Variants in USHBP1 observed in about 807,000 individuals in gnomAD.
USHBP1 encodes USH1 protein network component harmonin binding protein 1.
USHBP1 carries 67 observed loss-of-function variants against 76.2 expected under a neutral mutation model. That is an observed-to-expected ratio of 0.88 (90% CI 0.72 to 1.08). USHBP1 has a LOEUF of 1.08. USHBP1 is among the 50% of genes least tolerant of loss of function. USHBP1 has a pLI of 0.00. For missense variants in USHBP1, 931 were observed against 915.0 expected (o/e 1.02, Z -0.23); for synonymous variants, 322 against 362.2 (o/e 0.89, Z 1.26).
At chr19:17,254,019 C>G (rs960727864) in intron 10 of USHBP1, among the ~76,000 whole-genome samples, 1 of 151,246 alleles carries the variant, frequency 6.6e-6, no homozygotes, top group Non-Finnish European at 1.5e-5. Flanking sequence ...ACCAGCCTGG[C>G]CAACATGGTG....
chr19:17,253,114 G>A (rs867201186), intron 10 of USHBP1, among the ~76,000 whole-genome samples: 31 of 150,346 alleles, frequency 2.1e-4, no homozygotes, highest in East Asian at 4.1e-4. Context: ...GACTACAGGC[G>A]CCCGCCACCA....
chr19:17,264,003 T>G lies in USHBP1; in HGVS notation c.202A>C (p.Arg68=), dbSNP rs746838053. ...EEVSGQGLGS[R]TDKKMDGGSG... Reference sequence around the variant, plus strand: ...GGGCACAGACCAAGCGGGTCTTACCTGCTTCCTAGGCCTTGGCCACTGACC... The same window carrying G: ...GGGCACAGACCAAGCGGGTCTTACCGGCTTCCTAGGCCTTGGCCACTGACC... Residue 68 remains arginine (R), a splice_region_variant and synonymous_variant, in exon 3 of 13, where the codon AGG becomes CGG. Transcript: ENST00000252597. 7.0e-6 allele frequency: 11 copies of G among 1,582,532 alleles called. No individual in the cohort carries two copies. The African/African-American group carries it at 1.2e-4, about 17-fold the overall frequency.
Position 17,264,107 on chromosome 19 carries a change from G to A in USHBP1, c.98C>T (p.Ala33Val). ...GCTGGGCTTGGAGCTCCCACTGGCT[G>A]CCTCGACCTCCTCTGAACTCTCAGC... ...PVAESSEEVE[A>V]ASGSSKPSFA... Residue 33 changes from alanine (A) to valine (V), a missense_variant, in exon 3 of 13, where the codon GCA becomes GTA. Transcript: ENST00000252597. 6.2e-7 allele frequency: 1 copy of A among 1,614,106 alleles called. No individual in the cohort carries two copies. The highest frequency in any genetic ancestry group is 8.5e-7 in the Non-Finnish European group (1 of 1,179,980).
intron 9 of USHBP1, 116 bp downstream of exon 9, chr19:17,256,354 TC>T (rs754637610): frequency 3.0e-4 from 432 of 1,455,524 alleles, no homozygotes; most frequent in Non-Finnish European, 3.7e-4. Flanking sequence ...AATTCTCCCT[TC>T]ACAATGCCTG....
intron 10 of USHBP1, 129 bp from the exon 11 acceptor site, chr19:17,252,146 A>T: frequency 1.2e-6 from 1 of 817,392 alleles, no homozygotes; most frequent in Non-Finnish European, 1.9e-6. Flanking sequence ...CTGGTTCGAT[A>T]TACCAATAAG....
chr19:17,253,831 T>G (rs1439413126), intron 10 of USHBP1, among the ~76,000 whole-genome samples: 2 of 148,634 alleles, frequency 1.3e-5, no homozygotes, highest in Non-Finnish European at 3.0e-5. Flanking sequence ...GACGCAGAGA[T>G]TGCAGTGAGC....
chr19:17,255,758 T>G (rs908970318), intron 9 of USHBP1, 152 bp from the exon 10 acceptor site: 1 of 828,370 alleles, frequency 1.2e-6, no homozygotes, highest in Non-Finnish European at 1.8e-6. Flanking sequence ...CCCAGCACTT[T>G]GGGAGGCCAA....
At position 17,251,850 on chromosome 19, in the gene USHBP1, C is replaced by CGG. The variant is rs34821183; in HGVS notation, c.1799+59_1799+60dup. The CGG allele has an allele frequency of 4.6e-6, 7 of 1,515,368 alleles. No homozygotes were observed. The South Asian group carries it at 8.7e-5, about 19-fold the overall frequency. The allele number at this position is 1,515,368 out of a possible 1,614,324, so 93.9% of individuals were successfully genotyped here. ...TAGCTTCTACTGCAGACGACACCCCCGGGGGCTCTCACATAGGCTGCCTGC... is the reference window on the plus strand; with the variant it reads ...TAGCTTCTACTGCAGACGACACCCCCGGGGGGGCTCTCACATAGGCTGCCTGC... On this transcript the variant is annotated intron_variant, in intron 11 of 12. Transcript: ENST00000252597.
intron 1 of USHBP1, 154 bp from the exon 2 acceptor site, chr19:17,264,501 A>G (rs2073729589): frequency 1.6e-6 from 1 of 607,000 alleles, no homozygotes; most frequent in Non-Finnish European, 2.8e-6. Flanking sequence ...CTCCCTGGAC[A>G]GGGAGCTCAC....
At chr19:17,254,612 G>T (rs1332255372) in intron 10 of USHBP1, among the ~76,000 whole-genome samples, 1 of 150,818 alleles carries the variant, frequency 6.6e-6, no homozygotes, top group Non-Finnish European at 1.5e-5. Flanking sequence ...GCCAAGATCG[G>T]GCCATTGCAC....
chr19:17,264,231 G>T lies in USHBP1; in HGVS notation c.54+15C>A. The stretch of plus-strand genomic sequence containing the variant: ...CCCCAGGATCTGGGTGTGGAGGGGA[G>T]AGGGTGACACTTACGGGTGGAGCAT... On this transcript the variant is annotated intron_variant, in intron 2 of 12. Transcript: ENST00000252597. 6.2e-7 allele frequency: 1 copy of T among 1,613,892 alleles called. No individual in the cohort carries two copies. Among genetic ancestry groups the T allele is most frequent in the Non-Finnish European group, 8.5e-7 (1 of 1,179,912 alleles).
chr19:17,260,022 C>G lies in USHBP1; in HGVS notation c.643G>C (p.Val215Leu). 6.2e-7 allele frequency: 1 copy of G among 1,612,270 alleles called. No homozygotes were observed. The highest frequency in any genetic ancestry group is 8.5e-7 in the Non-Finnish European group (1 of 1,178,760). ...AAGAGGGAATCCTGCAGCTCTTGAA[C>G]CTGGGAAAGATGAGGGGGACGTCAG... is the stretch of plus-strand genomic sequence containing the variant. ...RAEKETLQKE[V>L]QELQDSLLRL... Residue 215 changes from valine (V) to leucine (L), a missense_variant and splice_region_variant, in exon 5 of 13, where the codon GTT becomes CTT. Physicochemically the swap from Val to Leu is conservative, Grantham distance 32. Coordinates refer to ENST00000252597, the MANE Select transcript of USHBP1 (RefSeq NM_031941.4).
chr19:17,261,049 C>T (rs1418307392), intron 4 of USHBP1, among the ~76,000 whole-genome samples: 4 of 152,140 alleles, frequency 2.6e-5, no homozygotes, highest in African/African-American at 9.7e-5. Flanking sequence ...CCAGAGGGCG[C>T]CTGTGAACAC....
chr19:17,258,722 A>G (rs532870990), intron 7 of USHBP1: 20 of 333,570 alleles, frequency 6.0e-5, no homozygotes, highest in Middle Eastern at 2.1e-3. Context: ...AAAAAAAAAA[A>G]AAAGAAAGAA....
chr19:17,259,846 C>G, intron 5 of USHBP1, 51 bp downstream of exon 5: 1 of 1,591,632 alleles, frequency 6.3e-7, no homozygotes, highest in Non-Finnish European at 8.6e-7. Flanking sequence ...AGTCTCATTC[C>G]CCTGAAGGCT....
At chr19:17,260,140 G>A in intron 4 of USHBP1, 118 bp from the exon 5 acceptor site, 1 of 1,341,592 alleles carries the variant, frequency 7.5e-7, no homozygotes, top group Non-Finnish European at 9.8e-7. Context: ...AAGAGGCTTG[G>A]ATACTTAGCC....
Position 17,252,006 on chromosome 19 carries a change from A to T in USHBP1, c.1704T>A (p.Ala568=), listed in dbSNP as rs1056071239. The T allele has an allele frequency of 6.5e-7, 1 of 1,548,788 alleles. No individual in the cohort carries two copies. Among genetic ancestry groups the T allele is most frequent in the African/African-American group, 1.4e-5 (1 of 73,070 alleles). The change falls in exon 11 of 13, where the codon GCT becomes GCA. Residue 568 remains alanine (A), a synonymous_variant. Coordinates refer to ENST00000252597, the MANE Select transcript of USHBP1 (RefSeq NM_031941.4). ...DEEEWYQGLP[A]VPGGTSGIDG... ...CAATGCCACTGGTGCCACCAGGGAC[A>T]GCAGGAAGGCCCTAAGGGAGGCAGA...
chr19:17,257,834 A>G (rs1260259372), intron 8 of USHBP1, among the ~76,000 whole-genome samples: 1 of 151,902 alleles, frequency 6.6e-6, no homozygotes, highest in Non-Finnish European at 1.5e-5. Flanking sequence ...GTTTTGGTAG[A>G]GAAGGACTTT....
chr19:17,259,483 G>T, intron 6 of USHBP1, 54 bp from the exon 7 acceptor site: 1 of 1,610,234 alleles, frequency 6.2e-7, no homozygotes, highest in Non-Finnish European at 8.5e-7. Flanking sequence ...AGGCAGTCAG[G>T]CCTCAATTTC....
Sources: gnomAD v4.1 joint callset for allele counts (sites outside exome capture counted in the v4.1 genomes callset) on GRCh38, gnomAD v4.1.1 for gene constraint, MANE v1.5 for transcripts, NCBI Gene and HGNC (gene_info 2026-07-23, HGNC 2026-07-21) for gene names.